The following RABGAP1 variants were observed in gnomAD, a reference collection of about 807,000 sequenced individuals.
The protein encoded by RABGAP1 is RAB GTPase activating protein 1, also known as rab GTPase-activating protein 1.
RABGAP1 carries 23 observed loss-of-function variants against 137.6 expected under a neutral mutation model. The observed-to-expected ratio is 0.17, with a 90% CI of 0.12 to 0.24. The LOEUF is 0.24. Among genes scored for constraint, RABGAP1 ranks in the 10% least tolerant of loss-of-function variants. RABGAP1 has a pLI of 1.00. For synonymous variants in RABGAP1, 451 were observed against 450.7 expected (o/e 1.00, Z -0.01); for missense variants, 906 against 1,275.8 (o/e 0.71, Z 4.42).
chr9:122,982,417 C>T (rs1836119061), intron 2 of RABGAP1, among the ~76,000 whole-genome samples: 1 of 152,176 alleles, frequency 6.6e-6, no homozygotes, highest in Non-Finnish European at 1.5e-5. Context: ...GGCAGCCTAT[C>T]CCAACAGAAA....
chr9:123,044,655 A>G (rs199660090), intron 13 of RABGAP1, among the ~76,000 whole-genome samples: 30 of 126,468 alleles, frequency 2.4e-4, no homozygotes, highest in South Asian at 1.2e-3. Flanking sequence ...GTGTGTGTGT[A>G]TGTGTATGTA....
chr9:123,065,327 TCTTTC>T lies in RABGAP1; in HGVS notation c.1795-17_1795-13del. 2.0e-6 allele frequency: 3 copies of T among 1,534,064 alleles called. No individual in the cohort carries two copies. Among genetic ancestry groups the T allele is most frequent in the Non-Finnish European group, 2.7e-6 (3 of 1,113,744 alleles). On this transcript the variant is annotated splice_polypyrimidine_tract_variant and intron_variant, in intron 13 of 25. Transcript: ENST00000373647. ...ACATGATTAACCTAACTAAACCCTC[TCTTTC>T]CTTATGTTTCCACAGGAGTCTCCCC...
chr9:123,057,336 C>G (rs1357424781), intron 13 of RABGAP1, among the ~76,000 whole-genome samples: 1 of 130,140 alleles, frequency 7.7e-6, no homozygotes, highest in Non-Finnish European at 1.6e-5. Flanking sequence ...ACTTCTCAGA[C>G]GGGGCGGCCG....
chr9:123,009,957 A>G (rs1283631855), intron 10 of RABGAP1, among the ~76,000 whole-genome samples: 1 of 152,216 alleles, frequency 6.6e-6, no homozygotes, highest in Non-Finnish European at 1.5e-5. Flanking sequence ...TTTTCTGTGT[A>G]GTTTTATATA....
chr9:122,984,817 T>C lies in RABGAP1; in HGVS notation c.385+98T>C. 2 of 1,126,426 alleles carry C rather than the reference T, an allele frequency of 1.8e-6. 1 individual carries two copies. The highest frequency in any genetic ancestry group is 3.1e-5 in the South Asian group (2 of 65,494). The allele number at this position is 1,126,426 out of a possible 1,614,324, so 69.8% of individuals were successfully genotyped here. On this transcript the variant is annotated intron_variant, in intron 3 of 25. Transcript: ENST00000373647. ...GTTTTATTTAGAACAGGCAAAACCA[T>C]TGTCTACAAAAACAGGCAAAAACAT...
Position 122,957,216 on chromosome 9 carries a change from C to A in RABGAP1, c.150+7C>A. The stretch of plus-strand genomic sequence containing the variant: ...TGAGAAAACAGGACTCAAGGTAAAA[C>A]TCCCTAACCTAAGATTGTTTTGCTT... On this transcript the variant is annotated splice_region_variant and intron_variant, in intron 2 of 25. Transcript: ENST00000373647. 6.6e-7 allele frequency: 1 copy of A among 1,504,158 alleles called. No homozygotes were observed. The highest frequency in any genetic ancestry group is 9.0e-7 in the Non-Finnish European group (1 of 1,106,416). The allele number at this position is 1,504,158 out of a possible 1,614,324, so 93.2% of individuals were successfully genotyped here.
At position 123,090,203 on chromosome 9, in the gene RABGAP1, GT is replaced by G. The variant is rs1157099379; in HGVS notation, c.2518-69del. ...ATAGGACTTAGAAATTTATTTTGAG[GT>G]TTAGCCCTGAGAAATTTTCATTTCC... On this transcript the variant is annotated intron_variant, in intron 20 of 25. Coordinates refer to ENST00000373647, the MANE Select transcript of RABGAP1 (RefSeq NM_012197.4). The G allele has an allele frequency of 5.9e-6, 7 of 1,188,764 alleles. No individual in the cohort carries two copies. In the Admixed American group the frequency reaches 1.4e-4, roughly 24 times the overall value. 73.6% of individuals were successfully genotyped at this position (1,188,764 alleles called of 1,614,324 possible).
At chr9:123,046,343 T>A (rs2033204820) in intron 13 of RABGAP1, among the ~76,000 whole-genome samples, 1 of 152,186 alleles carries the variant, frequency 6.6e-6, no homozygotes, top group South Asian at 2.1e-4. Flanking sequence ...GAGTTGGTCT[T>A]ATGCAGAAAA....
intron 16 of RABGAP1, 28 bp from the exon 17 acceptor site, chr9:123,074,257 C>T (rs1339631875): frequency 1.2e-6 from 2 of 1,612,728 alleles, no homozygotes; most frequent in East Asian, 4.5e-5. Context: ...TGCATATGTG[C>T]CCAGAACTAA....
the RABGAP1 span, among the ~76,000 whole-genome samples, chr9:122,933,566 G>C: frequency 6.6e-5 from 10 of 151,752 alleles, no homozygotes; most frequent in Non-Finnish European, 1.2e-4. Flanking sequence ...TGATTCTCCT[G>C]CCTCAGCTCT....
At chr9:123,084,374 T>C (rs2034804872) in intron 19 of RABGAP1, among the ~76,000 whole-genome samples, 1 of 152,120 alleles carries the variant, frequency 6.6e-6, no homozygotes, top group South Asian at 2.1e-4. Flanking sequence ...GACTTTGGAG[T>C]CAGGATCTCC....
intron 12 of RABGAP1, among the ~76,000 whole-genome samples, chr9:123,019,502 C>T (rs534344498): frequency 6.6e-6 from 1 of 151,990 alleles, no homozygotes; most frequent in East Asian, 1.9e-4. Context: ...TCTGTAGACA[C>T]GGGGTTCTTG....
At chr9:123,030,463 CAT>C (rs923653647) in intron 13 of RABGAP1, among the ~76,000 whole-genome samples, 7 of 151,888 alleles carry the variant, frequency 4.6e-5, no homozygotes, top group African/African-American at 1.7e-4. Flanking sequence ...TCCTTTTAGT[CAT>C]ATATATATAG....
chr9:122,947,729 A>G (rs1254296807), intron 1 of RABGAP1, among the ~76,000 whole-genome samples: 2 of 152,174 alleles, frequency 1.3e-5, no homozygotes, highest in Non-Finnish European at 2.9e-5. Context: ...TAGGCCCAAG[A>G]TGATTGTTTT....
At chr9:123,051,742 C>CTATTTTATTTTATTTTATTT (rs66629098) in intron 13 of RABGAP1, among the ~76,000 whole-genome samples, 3 of 140,132 alleles carry the variant, frequency 2.1e-5, no homozygotes, top group Admixed American at 1.4e-4. Context: ...AAGAGAAAAG[C>CTATTTTATTTTATTTTATTT]TATTTTATTT....
chr9:122,982,092 G>A (rs1836098380), intron 2 of RABGAP1, among the ~76,000 whole-genome samples: 1 of 151,832 alleles, frequency 6.6e-6, no homozygotes, highest in South Asian at 2.1e-4. Context: ...GTCACAGGTA[G>A]TAATTTGGAA....
chr9:122,964,079 A>C (rs1165385926), intron 2 of RABGAP1, among the ~76,000 whole-genome samples: 2 of 152,216 alleles, frequency 1.3e-5, no homozygotes, highest in Admixed American at 6.5e-5. Context: ...AGTAATCAAA[A>C]AAGTACCCCA....
intron 2 of RABGAP1, among the ~76,000 whole-genome samples, chr9:122,981,218 G>A (rs899829110): frequency 6.6e-6 from 1 of 152,008 alleles, no homozygotes; most frequent in Admixed American, 6.6e-5. Context: ...TAGAGACAGG[G>A]TTGCACCATG....
chr9:123,076,281 T>G lies in RABGAP1; in HGVS notation c.2290T>G (p.Leu764Val), dbSNP rs1464109697. 7 of 1,608,470 alleles carry G rather than the reference T, an allele frequency of 4.4e-6. No homozygotes were observed. Among genetic ancestry groups the G allele is most frequent in the Non-Finnish European group, 6.0e-6 (7 of 1,176,262 alleles). Reference sequence around the variant, plus strand: ...TATTTTTAATGTCGCCCTTGGATTATTAAAGGTACTCATTTATTTATTAGC... The same window carrying G: ...TATTTTTAATGTCGCCCTTGGATTAGTAAAGGTACTCATTTATTTATTAGC... Reference protein sequence around the residue: ...SVIFNVALGLLKTSKDDLLLT... With the variant: ...SVIFNVALGLVKTSKDDLLLT... The change falls in exon 18 of 26, where the codon TTA becomes GTA. Residue 764 changes from leucine (L) to valine (V), a missense_variant. By Grantham distance (32) the Leu-to-Val change is conservative (BLOSUM62 1). This residue lies in a region of RABGAP1 where 77 missense variants were observed against 105.6 expected (regional missense o/e 0.73). Coordinates refer to ENST00000373647, the MANE Select transcript of RABGAP1 (RefSeq NM_012197.4).
Sources: allele counts gnomAD v4.1 joint callset (sites outside exome capture counted in the v4.1 genomes callset), GRCh38; gene constraint gnomAD v4.1.1; regional missense constraint gnomAD v4.1.1; transcripts MANE v1.5; gene names NCBI Gene and HGNC (gene_info 2026-07-23, HGNC 2026-07-21).